DNAJC16: variants seen among roughly 807,000 people sequenced by gnomAD.
DNAJC16 encodes the protein DnaJ heat shock protein family (Hsp40) member C16, also known as dnaJ homolog subfamily C member 16.
Under a neutral mutation model 92.7 loss-of-function variants are expected in DNAJC16, and 76 were observed. That is an observed-to-expected ratio of 0.82 (90% CI 0.68 to 0.99). The LOEUF (loss-of-function observed/expected upper bound fraction) is 0.99, where lower values mean the gene tolerates loss of function less well. Among genes scored for constraint, DNAJC16 ranks in the 50% least tolerant of loss-of-function variants. DNAJC16 has a pLI of 0.00. For missense variants in DNAJC16, 869 were observed against 942.4 expected (o/e 0.92, Z 1.02); for synonymous variants, 328 against 358.7 (o/e 0.91, Z 0.97).
At chr1:15,552,049 T>G (rs1182890134) in intron 7 of DNAJC16, among the ~76,000 whole-genome samples, 1 of 151,446 alleles carries the variant, frequency 6.6e-6, no homozygotes, top group Non-Finnish European at 1.5e-5. Context: ...AAATTTTTTT[T>G]GTTTGAGAGA....
chr1:15,552,043 T>A (rs866334769), intron 7 of DNAJC16, among the ~76,000 whole-genome samples: 4 of 130,018 alleles, frequency 3.1e-5, no homozygotes, highest in African/African-American at 3.1e-5. Context: ...AAAAAAAAAT[T>A]TTTTTTGTTT....
At position 15,564,272 on chromosome 1, in the gene DNAJC16, T is replaced by C. The variant is rs1638760101; in HGVS notation, c.1522-11T>C. 6.3e-7 allele frequency: 1 copy of C among 1,591,706 alleles called. No homozygotes were observed. The highest frequency in any genetic ancestry group is 1.7e-5 in the Admixed American group (1 of 59,998). The stretch of plus-strand genomic sequence containing the variant: ...TTAGTCCTGACCATCATCCATTTTC[T>C]CTCTACATAGGTTTTTCTCCTTCGA... On this transcript the variant is annotated splice_polypyrimidine_tract_variant and intron_variant, in intron 10 of 14. Coordinates refer to ENST00000375847, the MANE Select transcript of DNAJC16 (RefSeq NM_015291.4).
chr1:15,553,343 T>G (rs752601152), intron 7 of DNAJC16, among the ~76,000 whole-genome samples: 4 of 152,124 alleles, frequency 2.6e-5, no homozygotes, highest in Admixed American at 6.5e-5. Flanking sequence ...CAAGCGATTC[T>G]CCTGCCTCAG....
intron 3 of DNAJC16, among the ~76,000 whole-genome samples, chr1:15,535,220 A>T (rs1710752290): frequency 6.6e-6 from 1 of 152,200 alleles, no homozygotes; most frequent in South Asian, 2.1e-4. Flanking sequence ...TCTTGGTTTG[A>T]ATTGGTCCAA....
Position 15,563,916 on chromosome 1 carries a change from A to T in DNAJC16, c.1339-13A>T, listed in dbSNP as rs962319716. On this transcript the variant is annotated splice_polypyrimidine_tract_variant and intron_variant, in intron 9 of 14. Coordinates refer to ENST00000375847, the MANE Select transcript of DNAJC16 (RefSeq NM_015291.4). Reference sequence around the variant, plus strand: ...TTGAAACTTCTGATGTTTTTTCTCTACTTTTCTTCCAGGTGTCTATTTTAG... The same window carrying T: ...TTGAAACTTCTGATGTTTTTTCTCTTCTTTTCTTCCAGGTGTCTATTTTAG... The T allele has an allele frequency of 1.9e-6, 3 of 1,590,064 alleles. No homozygotes were observed. The highest frequency in any genetic ancestry group is 1.1e-5 in the South Asian group (1 of 87,334).
At chr1:15,553,068 CCTGT>C (rs1638485830) in intron 7 of DNAJC16, among the ~76,000 whole-genome samples, 3 of 151,840 alleles carry the variant, frequency 2.0e-5, no homozygotes, top group South Asian at 4.2e-4. Context: ...CCGCGCCCGG[CCTGT>C]CTATTAAGTC....
chr1:15,534,567 C>CA (rs1286678358), intron 3 of DNAJC16, among the ~76,000 whole-genome samples: 1 of 151,710 alleles, frequency 6.6e-6, no homozygotes, highest in African/African-American at 2.4e-5. Context: ...ACTAAAAATA[C>CA]AAAAAAAATT....
chr1:15,568,069 A>T lies in DNAJC16; in HGVS notation c.2241A>T (p.Gly747=). 1 of 1,614,194 alleles carries T rather than the reference A, an allele frequency of 6.2e-7. No homozygotes were observed. Among genetic ancestry groups the T allele is most frequent in the Non-Finnish European group, 8.5e-7 (1 of 1,180,026 alleles). ...GAGGGAAACCTTCCTGTGGCCTTGG[A>T]TCCAGGCCCATCAAAGGAAAGTTGA... is the stretch of plus-strand genomic sequence containing the variant. ...ESRGKPSCGL[G]SRPIKGKLSK... is the part of the protein sequence containing the mutation. Residue 747 remains glycine (G), a synonymous_variant, in exon 15 of 15, where the codon GGA becomes GGT. Transcript: ENST00000375847.
At chr1:15,536,880 T>C in intron 4 of DNAJC16, 66 bp downstream of exon 4, 1 of 1,383,578 alleles carries the variant, frequency 7.2e-7, no homozygotes, top group Non-Finnish European at 9.7e-7. Context: ...AGATGGAGTC[T>C]TGCTCTGTTG....
At chr1:15,558,407 G>C (rs112583202) in intron 7 of DNAJC16, among the ~76,000 whole-genome samples, 1,742 of 151,828 alleles carry the variant, frequency 0.011, 39 homozygotes, top group African/African-American at 0.039. Context: ...GGCTGGTCTC[G>C]ATCTTCTAAG....
At chr1:15,567,750 T>G (rs943893836) in intron 14 of DNAJC16, 28 bp from the exon 15 acceptor site, 1 of 1,592,330 alleles carries the variant, frequency 6.3e-7, no homozygotes, top group Non-Finnish European at 8.5e-7. Flanking sequence ...GGAAATGCCC[T>G]GAGTCCTCAA....
In DNAJC16 at chr1:15,562,309, T is replaced by C. The variant is rs1353536640; in HGVS notation, c.1322T>C (p.Phe441Ser). Residue 441 changes from phenylalanine to serine, a missense_variant, in exon 9 of 15, where the codon TTT becomes TCT. Physicochemically the swap from Phe to Ser is radical, Grantham distance 155. Coordinates refer to ENST00000375847, the MANE Select transcript of DNAJC16 (RefSeq NM_015291.4). ...ACCTTACTACCAGACAGTGAGGCGT[T>C]TCAAGGGAAATCAGCGGTAAGCCAC... ...ADTLLPDSEA[F>S]QGKSAVSILE... 6.2e-7 allele frequency: 1 copy of C among 1,613,276 alleles called. No homozygotes were observed.
At chr1:15,546,059 C>A (rs1570911873) in intron 5 of DNAJC16, among the ~76,000 whole-genome samples, 1 of 152,092 alleles carries the variant, frequency 6.6e-6, no homozygotes, top group South Asian at 2.1e-4. Context: ...AATCCCAGCA[C>A]TTTAGGAGGC....
intron 4 of DNAJC16, among the ~76,000 whole-genome samples, chr1:15,539,609 A>G (rs1710884084): frequency 3.3e-5 from 5 of 151,800 alleles, no homozygotes; most frequent in Admixed American, 3.3e-4. Flanking sequence ...TAATAGCATA[A>G]TCATGGCTCA....
intron 8 of DNAJC16, among the ~76,000 whole-genome samples, chr1:15,561,868 TTTTCATATATATAAAA>T (rs933872518): frequency 4.0e-5 from 6 of 151,740 alleles, no homozygotes; most frequent in South Asian, 2.1e-4. Flanking sequence ...ATATATATAG[TTTTCATATATATAAAA>T]TTTCATATAT....
chr1:15,546,906 TTTTC>T, intron 6 of DNAJC16, 35 bp downstream of exon 6: 1 of 1,392,612 alleles, frequency 7.2e-7, no homozygotes, highest in Non-Finnish European at 9.7e-7. Context: ...TTTCTTTTTC[TTTTC>T]TTTTCTTTTT....
Position 15,565,976 on chromosome 1 carries a change from C to T in DNAJC16, c.1656C>T (p.Gly552=), listed in dbSNP as rs769800778. ...TCTCTGCCCTCTTCATCCTCTTCGG[C>T]ACTGTCATCGTTCAGGCTTTCAGGT... is the stretch of plus-strand genomic sequence containing the variant. ...LIFSALFILF[G]TVIVQAFSDS... The change falls in exon 12 of 15, where the codon GGC becomes GGT. Residue 552 remains glycine (G), a synonymous_variant. Coordinates refer to ENST00000375847, the MANE Select transcript of DNAJC16 (RefSeq NM_015291.4). 6.2e-7 allele frequency: 1 copy of T among 1,613,864 alleles called. No individual in the cohort carries two copies. The highest frequency in any genetic ancestry group is 8.5e-7 in the Non-Finnish European group (1 of 1,180,004).
intron 3 of DNAJC16, 137 bp downstream of exon 3, chr1:15,534,440 C>G: frequency 2.3e-6 from 2 of 882,326 alleles, no homozygotes; most frequent in Non-Finnish European, 3.4e-6. Context: ...ATAGAGAGAA[C>G]AGGCTGGATG....
At chr1:15,529,020 C>A (rs1442757545) in intron 1 of DNAJC16, 68 bp from the exon 2 acceptor site, 2 of 1,427,704 alleles carry the variant, frequency 1.4e-6, no homozygotes, top group Non-Finnish European at 1.9e-6. Context: ...TATCTTATAC[C>A]TTTACCTAAA....
Sources: gnomAD v4.1 joint callset for allele counts (sites outside exome capture counted in the v4.1 genomes callset) on GRCh38, gnomAD v4.1.1 for gene constraint, MANE v1.5 for transcripts, NCBI Gene and HGNC (gene_info 2026-07-23, HGNC 2026-07-21) for gene names.